Variants in RBPJ observed in about 807,000 individuals in gnomAD.
RBPJ encodes the protein recombining binding protein suppressor of hairless.
A neutral mutation model predicts 67.8 loss-of-function variants in RBPJ; 9 were observed. That is an observed-to-expected ratio of 0.13 (90% CI 0.08 to 0.23). The LOEUF (loss-of-function observed/expected upper bound fraction) is 0.23, where lower values mean the gene tolerates loss of function less well. Ranked by LOEUF, RBPJ falls within the 10% of genes least tolerant of loss-of-function variation. The pLI, the probability that RBPJ is intolerant of heterozygous loss-of-function variation, is 1.00. For synonymous variants in RBPJ, 198 were observed against 203.3 expected (o/e 0.97, Z 0.22); for missense variants, 305 against 595.6 (o/e 0.51, Z 5.08).
At chr4:26,223,257 T>C (rs562973482) in intron 1 of RBPJ, among the ~76,000 whole-genome samples, 1 of 152,254 alleles carries the variant, frequency 6.6e-6, no homozygotes, top group Admixed American at 6.5e-5. Context: ...ACTGGCTTTA[T>C]GTGGGTTGTG....
chr4:26,319,296 C>A (rs1040442421), upstream of RBPJ, among the ~76,000 whole-genome samples: 3 of 152,182 alleles, frequency 2.0e-5, no homozygotes, highest in African/African-American at 7.2e-5. Flanking sequence ...GACTTCCAAC[C>A]TCCTGGCTTC....
chr4:26,256,152 T>C (rs1266700580), intron 1 of RBPJ, among the ~76,000 whole-genome samples: 3 of 152,178 alleles, frequency 2.0e-5, no homozygotes, highest in Non-Finnish European at 4.4e-5. Flanking sequence ...GACACTAAAC[T>C]GTCATCACAA....
At chr4:26,276,278 A>G (rs1430818679) in intron 1 of RBPJ, among the ~76,000 whole-genome samples, 1 of 151,790 alleles carries the variant, frequency 6.6e-6, no homozygotes, top group Non-Finnish European at 1.5e-5. Flanking sequence ...ATCTCAAAAA[A>G]AAAAAAAAAA....
At chr4:26,365,878 A>G (rs1728571471) in intron 1 of RBPJ, among the ~76,000 whole-genome samples, 1 of 152,248 alleles carries the variant, frequency 6.6e-6, no homozygotes, top group Non-Finnish European at 1.5e-5. Flanking sequence ...TTTGAGTAAC[A>G]TTAACCAAGG....
At chr4:26,207,094 GT>G (rs1224339060) in intron 1 of RBPJ, among the ~76,000 whole-genome samples, 1 of 152,172 alleles carries the variant, frequency 6.6e-6, no homozygotes, top group Non-Finnish European at 1.5e-5. Context: ...AAATGACAGA[GT>G]TTTACTAAGC....
chr4:26,335,179 A>C (rs79631176), intron 1 of RBPJ, among the ~76,000 whole-genome samples: 2,212 of 151,774 alleles, frequency 0.015, 54 homozygotes, highest in African/African-American at 0.045. Context: ...TTATTTTCTT[A>C]TTATTATTAT....
At chr4:26,276,353 C>A (rs1011572721) in intron 1 of RBPJ, among the ~76,000 whole-genome samples, 1 of 151,762 alleles carries the variant, frequency 6.6e-6, no homozygotes, top group African/African-American at 2.4e-5. Flanking sequence ...CTTTTAAGGT[C>A]TCTGATTTTA....
At chr4:26,115,651 T>A in the RBPJ span, among the ~76,000 whole-genome samples, 1 of 152,224 alleles carries the variant, frequency 6.6e-6, no homozygotes, top group Non-Finnish European at 1.5e-5. Flanking sequence ...CCCAAAGTGC[T>A]GGGATTCAGT....
the RBPJ span, among the ~76,000 whole-genome samples, chr4:26,152,955 G>A: frequency 4.6e-5 from 7 of 152,206 alleles, no homozygotes; most frequent in Admixed American, 1.3e-4. Context: ...CAAAATGCTT[G>A]GGATCCAAAG....
At position 26,264,398 on chromosome 4, in the gene RBPJ, C is replaced by A. The variant is rs866173027; in HGVS notation, c.-166-98048C>A. ...AGCACTATGACAGCCTTCTGACTAA[C>A]CTCCCTATCTCTCTTCTTTGCCTCC... On this transcript the variant is annotated intron_variant, in intron 1 of 4. Transcript: ENST00000512351. This position sits in a 1 kb window ranked among gnomAD's most constrained non-coding sequence, Gnocchi z 4.1. 1.3e-5 allele frequency among the ~76,000 whole-genome samples: 2 copies of A among 152,116 alleles called. No homozygotes were observed. Among genetic ancestry groups the A allele is most frequent in the Non-Finnish European group, 2.9e-5 (2 of 68,024 alleles).
chr4:26,117,223 C>T, the RBPJ span, among the ~76,000 whole-genome samples: 1 of 151,914 alleles, frequency 6.6e-6, no homozygotes, highest in Non-Finnish European at 1.5e-5. Flanking sequence ...TACTCCTGCC[C>T]CATGCGGCTA....
intron 1 of RBPJ, among the ~76,000 whole-genome samples, chr4:26,305,068 T>G (rs921321072): frequency 6.6e-6 from 1 of 152,194 alleles, no homozygotes; most frequent in Non-Finnish European, 1.5e-5. Flanking sequence ...GATATTCAGT[T>G]TTCCCAGCAT....
chr4:26,292,690 G>A (rs1721711007), intron 1 of RBPJ, among the ~76,000 whole-genome samples: 1 of 150,410 alleles, frequency 6.6e-6, no homozygotes, highest in Non-Finnish European at 1.5e-5. Flanking sequence ...CCAAATTGCC[G>A]GGATTACAGG....
chr4:26,412,806 C>T (rs775695037), intron 3 of RBPJ: 2 of 152,134 alleles, frequency 1.3e-5, no homozygotes, highest in Non-Finnish European at 2.9e-5. Context: ...AGGTATTTGA[C>T]TCTGTGCCAT....
At chr4:26,115,712 G>A in the RBPJ span, among the ~76,000 whole-genome samples, 1 of 152,128 alleles carries the variant, frequency 6.6e-6, no homozygotes, top group Non-Finnish European at 1.5e-5. Flanking sequence ...TACATACCTT[G>A]CCTCTGACTG....
At chr4:26,313,824 G>A (rs547098930) in intron 1 of RBPJ, among the ~76,000 whole-genome samples, 1 of 152,036 alleles carries the variant, frequency 6.6e-6, no homozygotes, top group African/African-American at 2.4e-5. Flanking sequence ...CATCAAGAGC[G>A]AAACTTTGTC....
intron 1 of RBPJ, among the ~76,000 whole-genome samples, chr4:26,171,328 T>C (rs1372077138): frequency 6.6e-6 from 1 of 150,884 alleles, no homozygotes; most frequent in Non-Finnish European, 1.5e-5. Context: ...GGTGTCACTG[T>C]ACAGTATACA....
intron 1 of RBPJ, among the ~76,000 whole-genome samples, chr4:26,361,864 A>G (rs543365578): frequency 6.6e-6 from 1 of 152,324 alleles, no homozygotes; most frequent in South Asian, 2.1e-4. Flanking sequence ...GAGGAAAGGA[A>G]CAGATACCTG....
intron 2 of RBPJ, among the ~76,000 whole-genome samples, chr4:26,393,985 G>T (rs1226257679): frequency 2.6e-5 from 4 of 151,840 alleles, no homozygotes; most frequent in Non-Finnish European, 4.4e-5. Flanking sequence ...TTTGATTAAG[G>T]CTCGTTAATA....
Sources: allele counts gnomAD v4.1 joint callset (sites outside exome capture counted in the v4.1 genomes callset), GRCh38; gene constraint gnomAD v4.1.1; non-coding constraint Gnocchi (gnomAD v3.1); transcripts MANE v1.5; gene names NCBI Gene and HGNC (gene_info 2026-07-23, HGNC 2026-07-21).